The following PTPRC variants were observed in gnomAD, a reference collection of about 807,000 sequenced individuals.
The protein encoded by PTPRC is receptor-type tyrosine-protein phosphatase C.
PTPRC carries 44 observed loss-of-function variants against 155.9 expected under a neutral mutation model. That is an observed-to-expected ratio of 0.28 (90% CI 0.22 to 0.36). The LOEUF is 0.36. Among genes scored for constraint, PTPRC ranks in the 10% least tolerant of loss-of-function variants. The pLI, the probability that PTPRC is intolerant of heterozygous loss-of-function variation, is 1.00. For synonymous variants in PTPRC, 525 were observed against 533.1 expected, an observed-to-expected ratio of 0.98 and a Z score of 0.21; for missense variants, 1,401 against 1,564.6, an observed-to-expected ratio of 0.90 and a Z score of 1.76.
intron 2 of PTPRC, among the ~76,000 whole-genome samples, chr1:198,667,375 C>A (rs541608204): frequency 6.6e-6 from 1 of 152,278 alleles, no homozygotes; most frequent in South Asian, 2.1e-4. Flanking sequence ...TTCTAGTTGC[C>A]ATAGCTCATA....
chr1:198,712,962 A>C lies in PTPRC; in HGVS notation c.1181A>C (p.Glu394Ala), dbSNP rs1653389355. The C allele has an allele frequency of 6.2e-7, 1 of 1,612,206 alleles. No individual in the cohort carries two copies. Among genetic ancestry groups the C allele is most frequent in the Non-Finnish European group, 8.5e-7 (1 of 1,178,564 alleles). Residue 394 changes from glutamate (E) to alanine (A), a missense_variant, in exon 12 of 33, where the codon GAG becomes GCG. Around this residue, in one of 3 missense-constraint regions of PTPRC, gnomAD observed 867 missense variants for 970.4 expected, o/e 0.89. Coordinates refer to ENST00000442510, the MANE Select transcript of PTPRC (RefSeq NM_002838.5). ...CTTATTCTTTTAACAGGTCCAGGAG[A>C]GCCTCAGATTATTTTTTGTAGAAGT... is the stretch of plus-strand genomic sequence containing the variant. ...IIKTDFGSPG[E>A]PQIIFCRSEA...
intron 2 of PTPRC, chr1:198,680,032 TC>T: frequency 1.9e-6 from 1 of 533,082 alleles, no homozygotes; most frequent in Non-Finnish European, 3.3e-6. Flanking sequence ...CTTGCTGAGG[TC>T]CCTGGCATGG....
intron 26 of PTPRC, among the ~76,000 whole-genome samples, chr1:198,745,448 G>A (rs558154202): frequency 1.1e-3 from 171 of 151,970 alleles, no homozygotes; most frequent in South Asian, 6.8e-3. Context: ...TCAAGAAAAT[G>A]TGAGGCTAGG....
chr1:198,664,701 G>A (rs1664179089), intron 2 of PTPRC, among the ~76,000 whole-genome samples: 1 of 152,092 alleles, frequency 6.6e-6, no homozygotes, highest in Non-Finnish European at 1.5e-5. Context: ...AGACCTGTGT[G>A]TGAAGCTCTA....
chr1:198,706,188 A>G (rs987307749), intron 8 of PTPRC, among the ~76,000 whole-genome samples: 2 of 152,246 alleles, frequency 1.3e-5, no homozygotes, highest in Non-Finnish European at 2.9e-5. Context: ...TTGACACTAA[A>G]CAAAGGTGCT....
intron 2 of PTPRC, among the ~76,000 whole-genome samples, chr1:198,651,126 T>C (rs1290309992): frequency 6.6e-6 from 1 of 151,876 alleles, no homozygotes; most frequent in Non-Finnish European, 1.5e-5. Context: ...CTTAACATAA[T>C]TTGTTTTAAT....
rs45451593 is a variant in PTPRC at position 198,692,616 on chromosome 1, A to G, written c.100+243A>G. ...TTGTGTATAAATAGTAACTTTTCCC[A>G]AACTTGACAGTAAATCACACAACAG... is the stretch of plus-strand genomic sequence containing the variant. On this transcript the variant is annotated intron_variant, in intron 3 of 32. Transcript: ENST00000442510. 1.4e-4 allele frequency: 142 copies of G among 1,007,036 alleles called. 1 individual carries two copies. The East Asian group carries it at 6.7e-3, about 47-fold the overall frequency. The allele number at this position is 1,007,036 out of a possible 1,614,324, so 62.4% of individuals were successfully genotyped here.
intron 23 of PTPRC, among the ~76,000 whole-genome samples, chr1:198,739,378 T>C (rs538873292): frequency 1.3e-5 from 2 of 151,738 alleles, no homozygotes; most frequent in African/African-American, 4.8e-5. Flanking sequence ...AAATAAGAGA[T>C]GGAAAATTAT....
At chr1:198,668,542 A>G (rs906391351) in intron 2 of PTPRC, among the ~76,000 whole-genome samples, 2 of 152,206 alleles carry the variant, frequency 1.3e-5, no homozygotes, top group African/African-American at 4.8e-5. Context: ...CTTTCATAAC[A>G]CTATAAGGAA....
At position 198,728,799 on chromosome 1, in the gene PTPRC, T is replaced by A. The variant is rs1327793690; in HGVS notation, c.1830-338T>A. Among the ~76,000 whole-genome samples, 3 of 152,178 alleles carry A rather than the reference T, an allele frequency of 2.0e-5. No homozygotes were observed. The East Asian group carries it at 5.8e-4, about 29-fold the overall frequency. ...TGTCTGGGGAAGTTAATGTGTTTCT[T>A]TGGTCAGAAACAACCACATCTTATG... is the stretch of plus-strand genomic sequence containing the variant. On this transcript the variant is annotated intron_variant, in intron 16 of 32. Transcript: ENST00000442510.
rs549830031 is a variant in PTPRC at position 198,687,685 on chromosome 1, C to A, written c.74-4662C>A. 1.8e-4 allele frequency among the ~76,000 whole-genome samples: 28 copies of A among 152,002 alleles called. No homozygotes were observed. In the South Asian group the frequency reaches 5.2e-3, roughly 28 times the overall value. The stretch of plus-strand genomic sequence containing the variant: ...GCTATTTTATATAGGTCACATTTAG[C>A]GTGTTCCTACTTTAAGACTGGTAAA... On this transcript the variant is annotated intron_variant, in intron 2 of 32. Transcript: ENST00000442510.
chr1:198,674,211 A>T (rs990728154), intron 2 of PTPRC, among the ~76,000 whole-genome samples: 1 of 152,142 alleles, frequency 6.6e-6, no homozygotes, highest in Non-Finnish European at 1.5e-5. Context: ...GCGGCATCTG[A>T]TGCTCATCAC....
At chr1:198,678,278 G>A (rs1375404931) in intron 2 of PTPRC, among the ~76,000 whole-genome samples, 1 of 152,136 alleles carries the variant, frequency 6.6e-6, no homozygotes, top group African/African-American at 2.4e-5. Flanking sequence ...AATGACTGAA[G>A]GTGATAATCC....
chr1:198,655,788 C>G (rs539815089), intron 2 of PTPRC, among the ~76,000 whole-genome samples: 26 of 152,198 alleles, frequency 1.7e-4, no homozygotes, highest in Admixed American at 4.6e-4. Context: ...CCTGCTCTGA[C>G]TGTGACAACC....
intron 7 of PTPRC, 55 bp from the exon 8 acceptor site, chr1:198,704,417 G>A: frequency 1.2e-6 from 2 of 1,611,850 alleles, no homozygotes; most frequent in Non-Finnish European, 1.7e-6. Flanking sequence ...AAAATGACAT[G>A]GCAGATATTC....
At chr1:198,732,231 G>T (rs952404555) in intron 18 of PTPRC, 69 bp from the exon 19 acceptor site, 3 of 1,205,226 alleles carry the variant, frequency 2.5e-6, no homozygotes, top group South Asian at 2.5e-5. Flanking sequence ...TACTCAAAAC[G>T]GTCATTGGTA....
intron 12 of PTPRC, 120 bp from the exon 13 acceptor site, chr1:198,716,562 T>A: frequency 1.2e-6 from 1 of 830,950 alleles, no homozygotes. Flanking sequence ...TACTTATTTT[T>A]CAATCACTCA....
intron 3 of PTPRC, among the ~76,000 whole-genome samples, chr1:198,696,250 C>T (rs1449309172): frequency 1.4e-5 from 2 of 147,052 alleles, no homozygotes; most frequent in Admixed American, 1.4e-4. Context: ...TCTTTTTTTT[C>T]CCCTGGAACC....
At chr1:198,676,328 T>C (rs1238369654) in intron 2 of PTPRC, among the ~76,000 whole-genome samples, 1 of 152,220 alleles carries the variant, frequency 6.6e-6, no homozygotes, top group Admixed American at 6.5e-5. Flanking sequence ...GTAAATTGAA[T>C]ACGAACTTGA....
Sources: allele counts gnomAD v4.1 joint callset (sites outside exome capture counted in the v4.1 genomes callset), GRCh38; gene constraint gnomAD v4.1.1; regional missense constraint gnomAD v4.1.1; transcripts MANE v1.5; gene names NCBI Gene and HGNC (gene_info 2026-07-23, HGNC 2026-07-21).